Variants in ELAPOR1 observed in about 807,000 individuals in gnomAD.
The protein encoded by ELAPOR1 is endosome/lysosome-associated apoptosis and autophagy regulator 1.
A neutral mutation model predicts 119.7 loss-of-function variants in ELAPOR1; 77 were observed. The ratio of observed to expected loss-of-function variants is 0.64; its 90% CI spans 0.54 to 0.78. The LOEUF (loss-of-function observed/expected upper bound fraction) is 0.78. ELAPOR1 is among the 30% of genes least tolerant of loss of function. ELAPOR1 has a pLI of 0.00. For missense variants in ELAPOR1, 1,115 were observed against 1,270.4 expected (o/e 0.88, Z 1.86); for synonymous variants, 481 against 487.2 (o/e 0.99, Z 0.17).
At chr1:109,125,632 C>A (rs1648724867) in intron 1 of ELAPOR1, among the ~76,000 whole-genome samples, 1 of 152,036 alleles carries the variant, frequency 6.6e-6, no homozygotes, top group African/African-American at 2.4e-5. Flanking sequence ...GATCTGCCCG[C>A]CTTGGCCTCC....
chr1:109,138,685 G>A (rs1319120731), intron 1 of ELAPOR1, among the ~76,000 whole-genome samples: 2 of 151,628 alleles, frequency 1.3e-5, no homozygotes, highest in African/African-American at 4.8e-5. Context: ...ACGGTGTCAG[G>A]TCCTGCCCAG....
chr1:109,131,475 C>T (rs1371118382), intron 1 of ELAPOR1, among the ~76,000 whole-genome samples: 7 of 151,968 alleles, frequency 4.6e-5, no homozygotes, highest in South Asian at 4.2e-4. Flanking sequence ...GTCTAGTTTC[C>T]GGCAGTGGAC....
At position 109,188,435 on chromosome 1, in the gene ELAPOR1, A is replaced by G. The variant is rs1653210708; in HGVS notation, c.1219+81A>G. 8.9e-6 allele frequency: 13 copies of G among 1,456,972 alleles called. No individual in the cohort carries two copies. In the African/African-American group the frequency reaches 1.7e-4, roughly 19 times the overall value. 90.3% of individuals were successfully genotyped at this position (1,456,972 alleles called of 1,614,324 possible). ...GTGGGCACTAACAGTGGCCAGCTGAATGCAGACTCTGCCCTTCCAAGGGAG... is the reference window on the plus strand; with the variant it reads ...GTGGGCACTAACAGTGGCCAGCTGAGTGCAGACTCTGCCCTTCCAAGGGAG... On this transcript the variant is annotated intron_variant, in intron 9 of 21. Transcript: ENST00000369939.
In ELAPOR1 at chr1:109,172,619, G is replaced by T. The variant is rs773709358; in HGVS notation, c.696+51G>T. On this transcript the variant is annotated intron_variant, in intron 5 of 21. Coordinates refer to ENST00000369939, the MANE Select transcript of ELAPOR1 (RefSeq NM_020775.5). ...AGAGATCCCAGAAAAGGGACCCAGGGCCTTTCCTCAGAGAGTGCTTCCTCC... is the reference window on the plus strand; with the variant it reads ...AGAGATCCCAGAAAAGGGACCCAGGTCCTTTCCTCAGAGAGTGCTTCCTCC... 1.1e-5 allele frequency: 15 copies of T among 1,406,018 alleles called. No homozygotes were observed. In the Admixed American group the frequency reaches 2.4e-4, roughly 23 times the overall value. The allele number at this position is 1,406,018 out of a possible 1,614,324, so 87.1% of individuals were successfully genotyped here.
chr1:109,117,638 G>T (rs147701247), intron 1 of ELAPOR1, among the ~76,000 whole-genome samples: 18 of 152,278 alleles, frequency 1.2e-4, no homozygotes, highest in African/African-American at 4.1e-4. Flanking sequence ...TCACAGGGCT[G>T]TTGTAGGAAT....
intron 16 of ELAPOR1, 88 bp from the exon 17 acceptor site, chr1:109,197,891 G>T (rs1348761173): frequency 9.3e-6 from 11 of 1,189,160 alleles, no homozygotes; most frequent in Admixed American, 1.7e-5. Context: ...GATGAAGTGA[G>T]GTTGGATGTT....
At chr1:109,202,544 G>A (rs1429530076) in intron 21 of ELAPOR1, among the ~76,000 whole-genome samples, 5 of 151,648 alleles carry the variant, frequency 3.3e-5, no homozygotes, top group Non-Finnish European at 7.4e-5. Flanking sequence ...GGGTTCAAGC[G>A]ATTCTCCTTC....
chr1:109,118,740 A>G (rs1648188873), intron 1 of ELAPOR1, among the ~76,000 whole-genome samples: 1 of 152,106 alleles, frequency 6.6e-6, no homozygotes, highest in Non-Finnish European at 1.5e-5. Flanking sequence ...AAAATGCAGA[A>G]AGAACAGCTT....
Position 109,145,029 on chromosome 1 carries a change from T to G in ELAPOR1, c.154-16865T>G, listed in dbSNP as rs577402729. ...TTCAAGTGTTACCAATGTGATATATTAAAAGATGAGGTCTTTTTTTGTGAT... is the reference window on the plus strand; with the variant it reads ...TTCAAGTGTTACCAATGTGATATATGAAAAGATGAGGTCTTTTTTTGTGAT... On this transcript the variant is annotated intron_variant, in intron 1 of 21. Coordinates refer to ENST00000369939, the MANE Select transcript of ELAPOR1 (RefSeq NM_020775.5). 2.0e-5 allele frequency among the ~76,000 whole-genome samples: 3 copies of G among 152,308 alleles called. No individual in the cohort carries two copies. In the South Asian group the frequency reaches 6.2e-4, roughly 32 times the overall value.
chr1:109,114,223 G>A lies in ELAPOR1; in HGVS notation c.40G>A (p.Val14Ile). 1.2e-6 allele frequency: 2 copies of A among 1,605,258 alleles called. No homozygotes were observed. The highest frequency in any genetic ancestry group is 4.5e-5 in the East Asian group (2 of 44,494). Residue 14 changes from valine to isoleucine, a missense_variant, in exon 1 of 22, where the codon GTC becomes ATC. Val to Ile is a conservative substitution (Grantham distance 29). Transcript: ENST00000369939. Reference protein sequence around the residue: ...PGHSHHLSARVRGRTERRIPR... With the variant: ...PGHSHHLSARIRGRTERRIPR... Reference sequence around the variant, plus strand: ...GCACAGCCACCATCTCTCCGCCAGAGTCAGGGGAAGAACTGAGAGGCGCAT... The same window carrying A: ...GCACAGCCACCATCTCTCCGCCAGAATCAGGGGAAGAACTGAGAGGCGCAT...
Position 109,164,546 on chromosome 1 carries a change from T to C in ELAPOR1, c.322T>C (p.Cys108Arg). ...GEFLDMKDQS[C>R]KPCAEGRYSL... ...GTTTCTGGATATGAAGGACCAGTCA[T>C]GTAAGCCATGCGCTGAGGGCCGCTA... Residue 108 changes from cysteine to arginine, a missense_variant, in exon 3 of 22, where the codon TGT (cysteine) becomes CGT (arginine). Coordinates refer to ENST00000369939, the MANE Select transcript of ELAPOR1 (RefSeq NM_020775.5). The C allele has an allele frequency of 2.5e-6, 4 of 1,614,132 alleles. No homozygotes were observed. The highest frequency in any genetic ancestry group is 1.1e-5 in the South Asian group (1 of 91,084).
chr1:109,142,596 G>A (rs1182295093), intron 1 of ELAPOR1, among the ~76,000 whole-genome samples: 1 of 152,166 alleles, frequency 6.6e-6, no homozygotes, highest in Non-Finnish European at 1.5e-5. Flanking sequence ...TTCTGTCAGG[G>A]GCATGTAAAG....
chr1:109,144,167 C>A (rs1217475707), intron 1 of ELAPOR1, among the ~76,000 whole-genome samples: 8 of 147,150 alleles, frequency 5.4e-5, no homozygotes, highest in Admixed American at 2.8e-4. Context: ...TCAAGTGATT[C>A]TCCTGCCTCA....
intron 1 of ELAPOR1, among the ~76,000 whole-genome samples, chr1:109,126,095 T>C (rs1001352183): frequency 6.6e-6 from 1 of 152,254 alleles, no homozygotes; most frequent in African/African-American, 2.4e-5. Context: ...CTTGCAGTTA[T>C]ACATTTCATT....
chr1:109,177,139 T>C (rs1367051783), intron 7 of ELAPOR1, among the ~76,000 whole-genome samples: 1 of 133,758 alleles, frequency 7.5e-6, no homozygotes, highest in Non-Finnish European at 1.6e-5. Flanking sequence ...CCAGACAGGG[T>C]GGTGGCCGGG....
chr1:109,121,714 A>G (rs1648430965), intron 1 of ELAPOR1, among the ~76,000 whole-genome samples: 1 of 152,064 alleles, frequency 6.6e-6, no homozygotes, highest in African/African-American at 2.4e-5. Context: ...ATTTCTGCAA[A>G]TATGGATCTT....
At chr1:109,192,002 T>A in intron 13 of ELAPOR1, 139 bp downstream of exon 13, 1 of 1,039,676 alleles carries the variant, frequency 9.6e-7, no homozygotes, top group Non-Finnish European at 1.4e-6. Flanking sequence ...GAAAACTGCC[T>A]AACCCAGCCC....
At chr1:109,199,702 G>T in intron 18 of ELAPOR1, 152 bp from the exon 19 acceptor site, 1 of 856,424 alleles carries the variant, frequency 1.2e-6, no homozygotes, top group Non-Finnish European at 1.8e-6. Context: ...ATCAAAACCT[G>T]TGTTAAGGAC....
intron 11 of ELAPOR1, among the ~76,000 whole-genome samples, chr1:109,190,790 T>C (rs945786324): frequency 6.6e-6 from 1 of 152,176 alleles, no homozygotes; most frequent in Non-Finnish European, 1.5e-5. Context: ...TTCCCAAAAG[T>C]AGGACCAAAC....
Sources: gnomAD v4.1 joint callset for allele counts (sites outside exome capture counted in the v4.1 genomes callset) on GRCh38, gnomAD v4.1.1 for gene constraint, MANE v1.5 for transcripts, NCBI Gene and HGNC (gene_info 2026-07-23, HGNC 2026-07-21) for gene names.